CRADD: variants seen among roughly 807,000 people sequenced by gnomAD.
The protein encoded by CRADD is death domain-containing protein CRADD.
A neutral mutation model predicts 15.5 loss-of-function variants in CRADD; 9 were observed. The ratio of observed to expected loss-of-function variants is 0.58; its 90% CI spans 0.35 to 1.01. The LOEUF (loss-of-function observed/expected upper bound fraction) is 1.01, where lower values mean the gene tolerates loss of function less well. Ranked by LOEUF, CRADD falls within the 50% of genes least tolerant of loss-of-function variation. The pLI, the probability that CRADD is intolerant of heterozygous loss-of-function variation, is 0.02. For missense variants in CRADD, 227 were observed against 250.3 expected, an observed-to-expected ratio of 0.91 and a Z score of 0.63; for synonymous variants, 118 against 107.6, an observed-to-expected ratio of 1.10 and a Z score of -0.60.
chr12:93,838,214 G>GTTTTT (rs66564800), intron 2 of CRADD, among the ~76,000 whole-genome samples: 25 of 130,598 alleles, frequency 1.9e-4, no homozygotes, highest in African/African-American at 2.0e-4. Flanking sequence ...TCCTTTTGAG[G>GTTTTT]TTTTTTTTTT....
chr12:93,843,747 GTCTC>G (rs1698973715), intron 2 of CRADD, among the ~76,000 whole-genome samples: 1 of 151,396 alleles, frequency 6.6e-6, no homozygotes, highest in Non-Finnish European at 1.5e-5. Flanking sequence ...TTGAGAGGGA[GTCTC>G]TCTCTGTTGC....
intron 2 of CRADD, among the ~76,000 whole-genome samples, chr12:93,792,839 C>T (rs1565916180): frequency 6.6e-6 from 1 of 152,198 alleles, no homozygotes; most frequent in African/African-American, 2.4e-5. Context: ...CATTTAGGCT[C>T]TTAACTGCTA....
chr12:93,861,756 C>T lies in CRADD; in HGVS notation c.299-32294C>T, dbSNP rs115007636. Among the ~76,000 whole-genome samples, 870 of 152,334 alleles carry T rather than the reference C, an allele frequency of 5.7e-3. 11 individuals carry two copies. Among genetic ancestry groups the T allele is most frequent in the African/African-American group, 0.02 (816 of 41,570 alleles). ...CCACTCAGCTCCATCCCAGACTCAGCCTCCAGGGGAACATAGCTTGTGCAT... is the reference window on the plus strand; with the variant it reads ...CCACTCAGCTCCATCCCAGACTCAGTCTCCAGGGGAACATAGCTTGTGCAT... On this transcript the variant is annotated intron_variant, in intron 2 of 2. Transcript: ENST00000548483.
At chr12:93,688,396 G>A (rs539468433) in intron 2 of CRADD, among the ~76,000 whole-genome samples, 1 of 151,920 alleles carries the variant, frequency 6.6e-6, no homozygotes, top group Non-Finnish European at 1.5e-5. Context: ...CCAGCTTCTT[G>A]GGTGGCTGAG....
intron 2 of CRADD, among the ~76,000 whole-genome samples, chr12:93,826,133 T>C (rs369443726): frequency 6.6e-6 from 1 of 152,234 alleles, no homozygotes; most frequent in Non-Finnish European, 1.5e-5. Flanking sequence ...CTGAGGTCCA[T>C]CTGTTGCACA....
chr12:93,800,237 G>A (rs1047230920), intron 2 of CRADD, among the ~76,000 whole-genome samples: 2 of 152,150 alleles, frequency 1.3e-5, no homozygotes, highest in African/African-American at 2.4e-5. Flanking sequence ...GGTGGATATA[G>A]TATACGTCCC....
At chr12:93,783,268 T>TATG (rs1359084213) in intron 2 of CRADD, among the ~76,000 whole-genome samples, 1 of 139,996 alleles carries the variant, frequency 7.1e-6, no homozygotes, top group African/African-American at 2.8e-5. Context: ...TTATTATTAT[T>TATG]ATTATTTTAC....
At chr12:93,698,154 T>C (rs959106620) in intron 2 of CRADD, among the ~76,000 whole-genome samples, 1 of 152,138 alleles carries the variant, frequency 6.6e-6, no homozygotes, top group African/African-American at 2.4e-5. Context: ...GTGACCTGCC[T>C]GCTTATGCTG....
At chr12:93,893,492 G>A (rs73367304) in intron 2 of CRADD, among the ~76,000 whole-genome samples, 6,029 of 152,030 alleles carry the variant, frequency 0.04, 393 homozygotes, top group African/African-American at 0.13. Context: ...CTTGTTAGAA[G>A]TCAGAAGAAA....
chr12:93,820,879 G>A (rs1215559404), intron 2 of CRADD, among the ~76,000 whole-genome samples: 1 of 152,200 alleles, frequency 6.6e-6, no homozygotes, highest in Non-Finnish European at 1.5e-5. Context: ...GTCCCACGCT[G>A]TGTCATTTCT....
chr12:93,858,641 C>T (rs955605959), intron 2 of CRADD, among the ~76,000 whole-genome samples: 6 of 152,194 alleles, frequency 3.9e-5, no homozygotes, highest in Admixed American at 3.9e-4. Context: ...CTCATTCTCC[C>T]CGGAGATAAG....
intron 2 of CRADD, among the ~76,000 whole-genome samples, chr12:93,799,167 A>C (rs1957451645): frequency 6.6e-6 from 1 of 152,238 alleles, no homozygotes; most frequent in South Asian, 2.1e-4. Flanking sequence ...GGAATCCAAA[A>C]ATTCTATGAG....
At chr12:93,875,532 GA>G (rs1322690122) in intron 2 of CRADD, among the ~76,000 whole-genome samples, 1 of 151,958 alleles carries the variant, frequency 6.6e-6, no homozygotes, top group African/African-American at 2.4e-5. Context: ...CTGGAGGTAA[GA>G]TTTGGTTTCT....
chr12:93,862,690 T>G (rs943723875), intron 2 of CRADD, among the ~76,000 whole-genome samples: 10 of 152,186 alleles, frequency 6.6e-5, no homozygotes, highest in Non-Finnish European at 1.3e-4. Flanking sequence ...AAAAGAAATC[T>G]CAACACTTTT....
chr12:93,697,223 AG>A, intron 2 of CRADD, among the ~76,000 whole-genome samples: 1 of 152,332 alleles, frequency 6.6e-6, no homozygotes, highest in Non-Finnish European at 1.5e-5. Context: ...GGTGGTATTA[AG>A]GGGTGAAGTA....
chr12:93,691,445 G>C (rs1469437400), intron 2 of CRADD, among the ~76,000 whole-genome samples: 1 of 151,920 alleles, frequency 6.6e-6, no homozygotes, highest in Non-Finnish European at 1.5e-5. Flanking sequence ...GTAGAGACAG[G>C]GTTTCACCAT....
At chr12:93,702,683 G>T (rs972341313) in intron 2 of CRADD, among the ~76,000 whole-genome samples, 1 of 151,544 alleles carries the variant, frequency 6.6e-6, no homozygotes, top group African/African-American at 2.4e-5. Context: ...TTGGCTCCAG[G>T]CTTCTTAGAA....
intron 2 of CRADD, chr12:93,837,861 G>C (rs573366827): frequency 6.6e-6 from 1 of 152,202 alleles, no homozygotes; most frequent in African/African-American, 2.4e-5. Context: ...CGGCTAGGTA[G>C]TAGCAGATTC....
chr12:93,742,517 A>C (rs1282493436), intron 2 of CRADD, among the ~76,000 whole-genome samples: 2 of 151,344 alleles, frequency 1.3e-5, no homozygotes, highest in African/African-American at 2.4e-5. Context: ...CGCCTGCAAG[A>C]CCTGTTTATT....
Sources: gnomAD v4.1 joint callset for allele counts (sites outside exome capture counted in the v4.1 genomes callset) on GRCh38, gnomAD v4.1.1 for gene constraint, MANE v1.5 for transcripts, NCBI Gene and HGNC (gene_info 2026-07-23, HGNC 2026-07-21) for gene names.